Variants in SPIDR observed in about 807,000 individuals in gnomAD.
SPIDR encodes DNA repair-scaffolding protein.
In SPIDR, 93 loss-of-function variants were observed where a neutral mutation model predicts 104.6. That is an observed-to-expected ratio of 0.89 (90% CI 0.75 to 1.06). The LOEUF is 1.06. SPIDR is among the 50% of genes least tolerant of loss of function. SPIDR has a pLI of 0.00. For synonymous variants in SPIDR, 431 were observed against 416.9 expected, an observed-to-expected ratio of 1.03 and a Z score of -0.41; for missense variants, 1,154 against 1,111.2, an observed-to-expected ratio of 1.04 and a Z score of -0.55.
chr8:47,573,886 C>T (rs1262797766), intron 8 of SPIDR, among the ~76,000 whole-genome samples: 4 of 152,154 alleles, frequency 2.6e-5, no homozygotes, highest in Non-Finnish European at 5.9e-5. Context: ...TTTTGCTGTC[C>T]TTGTTGCCCT....
chr8:47,473,735 C>A (rs2154358843), intron 8 of SPIDR, among the ~76,000 whole-genome samples: 1 of 152,238 alleles, frequency 6.6e-6, no homozygotes, highest in East Asian at 1.9e-4. Flanking sequence ...CTTGGCTTTG[C>A]AAGACCAGTG....
In SPIDR at chr8:47,712,719, A is replaced by G. The variant is rs1343409534; in HGVS notation, c.2035A>G (p.Thr679Ala). ...GATCTGGCTGCTAGTGACCGATGTC[A>G]CTCTGCAAACGAAGGAGGAGAGAGA... ...REIWLLVTDV[T>A]LQTKEERDPR... The change falls in exon 15 of 20, where the codon ACT becomes GCT. Residue 679 changes from threonine (T) to alanine (A), a missense_variant. Physicochemically the swap from Thr to Ala is moderately conservative, Grantham distance 58 (BLOSUM62 0). Transcript: ENST00000297423. 6.2e-7 allele frequency: 1 copy of G among 1,614,086 alleles called. No individual in the cohort carries two copies. Among genetic ancestry groups the G allele is most frequent in the Non-Finnish European group, 8.5e-7 (1 of 1,180,016 alleles).
At chr8:47,666,081 A>AT (rs2074887780) in intron 10 of SPIDR, among the ~76,000 whole-genome samples, 1 of 152,204 alleles carries the variant, frequency 6.6e-6, no homozygotes, top group Non-Finnish European at 1.5e-5. Context: ...TGATTAACCA[A>AT]TTTTTAAGTA....
chr8:47,728,642 A>C (rs2084694239), intron 17 of SPIDR: 2 of 282,904 alleles, frequency 7.1e-6, no homozygotes, highest in Admixed American at 5.2e-5. Context: ...GGGCAGCCTG[A>C]CCCCTGGCCT....
intron 10 of SPIDR, among the ~76,000 whole-genome samples, chr8:47,603,671 TACA>T (rs1340283007): frequency 6.6e-6 from 1 of 152,024 alleles, no homozygotes; most frequent in Non-Finnish European, 1.5e-5. Flanking sequence ...GTACTAGGAC[TACA>T]GGCGTGAGCC....
intron 8 of SPIDR, among the ~76,000 whole-genome samples, chr8:47,479,873 T>C (rs1333078277): frequency 6.6e-6 from 1 of 152,172 alleles, no homozygotes; most frequent in Non-Finnish European, 1.5e-5. Flanking sequence ...TTCAAGTCCA[T>C]AGTGCTGTGA....
chr8:47,318,264 T>C (rs1586859895), intron 5 of SPIDR, among the ~76,000 whole-genome samples: 1 of 152,236 alleles, frequency 6.6e-6, no homozygotes, highest in East Asian at 1.9e-4. Flanking sequence ...CTCATGGAGC[T>C]GAAAACCACA....
intron 8 of SPIDR, among the ~76,000 whole-genome samples, chr8:47,523,681 C>G (rs577035322): frequency 6.6e-5 from 10 of 152,276 alleles, no homozygotes; most frequent in African/African-American, 2.4e-4. Flanking sequence ...CCTCTCTTTT[C>G]CCTGTTACAT....
chr8:47,498,916 A>G (rs2079886442), intron 8 of SPIDR, among the ~76,000 whole-genome samples: 1 of 152,214 alleles, frequency 6.6e-6, no homozygotes, highest in Admixed American at 6.5e-5. Flanking sequence ...GACGTACTGA[A>G]TAAACAGTGT....
intron 8 of SPIDR, among the ~76,000 whole-genome samples, chr8:47,486,458 C>A (rs981691007): frequency 5.3e-5 from 8 of 152,170 alleles, no homozygotes; most frequent in Non-Finnish European, 8.8e-5. Context: ...ACTTCCCCAA[C>A]CTAGTGAGGC....
At chr8:47,269,269 T>C (rs1389868462) in intron 1 of SPIDR, among the ~76,000 whole-genome samples, 99 of 150,250 alleles carry the variant, frequency 6.6e-4, no homozygotes, top group Middle Eastern at 6.9e-3. Flanking sequence ...CATCTTTTTT[T>C]CCCCCCAAGA....
At chr8:47,270,185 T>C (rs111698612) in intron 1 of SPIDR, among the ~76,000 whole-genome samples, 4,282 of 152,288 alleles carry the variant, frequency 0.028, 211 homozygotes, top group African/African-American at 0.096. Context: ...TCCTCTTCTG[T>C]ATTTTGGAAG....
chr8:47,445,563 T>C (rs1245302752), intron 8 of SPIDR, among the ~76,000 whole-genome samples: 2 of 152,212 alleles, frequency 1.3e-5, no homozygotes, highest in African/African-American at 4.8e-5. Context: ...GCACATCTTT[T>C]ACTTTAAACC....
At chr8:47,261,243 C>G (rs954367267) in intron 1 of SPIDR, among the ~76,000 whole-genome samples, 1 of 152,212 alleles carries the variant, frequency 6.6e-6, no homozygotes, top group Admixed American at 6.5e-5. Flanking sequence ...AGGGGTGGGA[C>G]CGCCGAGGGA....
At chr8:47,569,570 G>GT (rs1259144330) in intron 8 of SPIDR, among the ~76,000 whole-genome samples, 2 of 152,136 alleles carry the variant, frequency 1.3e-5, no homozygotes, top group Non-Finnish European at 1.5e-5. Flanking sequence ...ATATTTTCCA[G>GT]TTACAATAGA....
At chr8:47,611,019 C>G (rs1194140670) in intron 10 of SPIDR, among the ~76,000 whole-genome samples, 3 of 152,168 alleles carry the variant, frequency 2.0e-5, no homozygotes, top group Non-Finnish European at 4.4e-5. Context: ...GGTTTTGGTA[C>G]TGGACCATGA....
At position 47,523,992 on chromosome 8, in the gene SPIDR, G is replaced by A. The variant is rs920906090; in HGVS notation, c.1098-71819G>A. Reference sequence around the variant, plus strand: ...ACAGATTAAGTGTCCTGAAGTGTCGGAAGGATACCTGGTGTGGTAGCTTCT... The same window carrying A: ...ACAGATTAAGTGTCCTGAAGTGTCGAAAGGATACCTGGTGTGGTAGCTTCT... On this transcript the variant is annotated intron_variant, in intron 8 of 19. Coordinates refer to ENST00000297423, the MANE Select transcript of SPIDR (RefSeq NM_001080394.4). 3.3e-5 allele frequency among the ~76,000 whole-genome samples: 5 copies of A among 152,208 alleles called. No individual in the cohort carries two copies. The South Asian group carries it at 6.2e-4, about 19-fold the overall frequency.
chr8:47,506,684 C>T (rs906736923), intron 8 of SPIDR, among the ~76,000 whole-genome samples: 30 of 151,906 alleles, frequency 2.0e-4, no homozygotes, highest in African/African-American at 7.3e-4. Flanking sequence ...TCTACATGCC[C>T]TAAAGTATCC....
At chr8:47,310,032 C>T (rs2043835389) in intron 5 of SPIDR, among the ~76,000 whole-genome samples, 1 of 139,014 alleles carries the variant, frequency 7.2e-6, no homozygotes, top group South Asian at 2.3e-4. Flanking sequence ...GACTCTGTCT[C>T]AAAAAACAAA....
Sources: allele counts gnomAD v4.1 joint callset (sites outside exome capture counted in the v4.1 genomes callset), GRCh38; gene constraint gnomAD v4.1.1; transcripts MANE v1.5; gene names NCBI Gene and HGNC (gene_info 2026-07-23, HGNC 2026-07-21).